GALNTL6: variants seen among roughly 807,000 people sequenced by gnomAD.
GALNTL6 encodes polypeptide N-acetylgalactosaminyltransferase-like 6.
Under a neutral mutation model 73.7 loss-of-function variants are expected in GALNTL6, and 46 were observed. That is an observed-to-expected ratio of 0.62 (90% CI 0.49 to 0.80). The LOEUF is 0.80. GALNTL6 is among the 30% of genes least tolerant of loss of function. GALNTL6 has a pLI of 0.00. For missense variants in GALNTL6, 604 were observed against 755.0 expected (o/e 0.80, Z 2.34); for synonymous variants, 259 against 263.7 (o/e 0.98, Z 0.17).
chr4:172,731,445 T>C (rs7666403), intron 5 of GALNTL6, among the ~76,000 whole-genome samples: 54,453 of 151,940 alleles, frequency 0.36, 10,790 homozygotes, highest in African/African-American at 0.52. Context: ...TTCTCTCTTT[T>C]ATTCTTAGTC....
intron 5 of GALNTL6, among the ~76,000 whole-genome samples, chr4:172,673,014 A>G (rs1157936660): frequency 6.6e-6 from 1 of 151,982 alleles, no homozygotes; most frequent in African/African-American, 2.4e-5. Flanking sequence ...TTTGTGCCCC[A>G]ATTTCCTTCA....
chr4:172,083,901 G>T (rs77075878), intron 2 of GALNTL6, among the ~76,000 whole-genome samples: 7,235 of 152,186 alleles, frequency 0.048, 565 homozygotes, highest in African/African-American at 0.16. Context: ...CAAAGCTGTG[G>T]GAATAGATAT....
chr4:172,334,948 A>G (rs1267263178), intron 4 of GALNTL6, among the ~76,000 whole-genome samples: 1 of 150,930 alleles, frequency 6.6e-6, no homozygotes, highest in Non-Finnish European at 1.5e-5. Flanking sequence ...ATTTTATCAA[A>G]ACCTTTTTCT....
At chr4:172,799,882 A>G (rs760901703) in intron 5 of GALNTL6, among the ~76,000 whole-genome samples, 1 of 152,220 alleles carries the variant, frequency 6.6e-6, no homozygotes, top group Non-Finnish European at 1.5e-5. Context: ...CCACCAACTG[A>G]TGAATGGATA....
At chr4:172,116,363 G>C (rs575435277) in intron 2 of GALNTL6, among the ~76,000 whole-genome samples, 1 of 152,214 alleles carries the variant, frequency 6.6e-6, no homozygotes, top group East Asian at 1.9e-4. Flanking sequence ...TACAATGTAA[G>C]GAAACTTGGC....
intron 5 of GALNTL6, among the ~76,000 whole-genome samples, chr4:172,362,811 CTCTT>C (rs1742418198): frequency 6.6e-6 from 1 of 152,140 alleles, no homozygotes; most frequent in East Asian, 1.9e-4. Flanking sequence ...CTTATGATTC[CTCTT>C]TCTTCCTCAC....
intron 5 of GALNTL6, among the ~76,000 whole-genome samples, chr4:172,385,890 T>C (rs938469058): frequency 6.6e-6 from 1 of 151,818 alleles, no homozygotes; most frequent in African/African-American, 2.4e-5. Flanking sequence ...GTACTATTTA[T>C]TACATTTATT....
chr4:172,092,536 C>A (rs1285493017), intron 2 of GALNTL6, among the ~76,000 whole-genome samples: 1 of 152,068 alleles, frequency 6.6e-6, no homozygotes. Context: ...TTTGGGAAGA[C>A]TCTCAAAACT....
chr4:172,842,746 T>C (rs1743281178), intron 7 of GALNTL6, among the ~76,000 whole-genome samples: 1 of 151,434 alleles, frequency 6.6e-6, no homozygotes, highest in Non-Finnish European at 1.5e-5. Context: ...GGGTTTCTCA[T>C]ATGTCATTTT....
rs144781871 is a variant in GALNTL6 at position 172,314,769 on chromosome 4, G to T, written c.386+3017G>T. Among the ~76,000 whole-genome samples the T allele has an allele frequency of 2.9e-3, 443 of 151,868 alleles. 4 individuals carry two copies. Among genetic ancestry groups the T allele is most frequent in the African/African-American group, 0.01 (421 of 41,402 alleles). Reference sequence around the variant, plus strand: ...ATTACAGGCACCTGCCACCAAGCCTGGCTAAATTTTTTGTATTTTTAGTAG... The same window carrying T: ...ATTACAGGCACCTGCCACCAAGCCTTGCTAAATTTTTTGTATTTTTAGTAG... On this transcript the variant is annotated intron_variant, in intron 4 of 12. Transcript: ENST00000506823.
chr4:172,548,839 A>G (rs1296905630), intron 5 of GALNTL6, among the ~76,000 whole-genome samples: 1 of 152,186 alleles, frequency 6.6e-6, no homozygotes, highest in Non-Finnish European at 1.5e-5. Context: ...TTGTATGTAT[A>G]TGTTTTTCCA....
intron 11 of GALNTL6, among the ~76,000 whole-genome samples, chr4:173,017,785 A>G (rs1359168067): frequency 6.6e-6 from 1 of 152,242 alleles, no homozygotes; most frequent in African/African-American, 2.4e-5. Flanking sequence ...AACAGAGGTC[A>G]CCTAAGGATG....
At chr4:172,994,179 T>C (rs1342100926) in intron 10 of GALNTL6, among the ~76,000 whole-genome samples, 1 of 152,216 alleles carries the variant, frequency 6.6e-6, no homozygotes, top group Non-Finnish European at 1.5e-5. Context: ...TATAAGATGG[T>C]GCCCTGGGTA....
intron 5 of GALNTL6, among the ~76,000 whole-genome samples, chr4:172,500,196 G>A (rs527388012): frequency 6.6e-6 from 1 of 152,270 alleles, no homozygotes; most frequent in East Asian, 1.9e-4. Flanking sequence ...TGAGACAGGA[G>A]GATCACCTGA....
intron 8 of GALNTL6, among the ~76,000 whole-genome samples, chr4:172,909,524 TC>T (rs1747086400): frequency 6.6e-6 from 1 of 152,004 alleles, no homozygotes; most frequent in Non-Finnish European, 1.5e-5. Flanking sequence ...AAATAACTCA[TC>T]CATTGAAAGT....
intron 2 of GALNTL6, among the ~76,000 whole-genome samples, chr4:171,900,747 A>G (rs910554739): frequency 6.6e-6 from 1 of 152,190 alleles, no homozygotes; most frequent in African/African-American, 2.4e-5. Flanking sequence ...CAAGAAAACA[A>G]TCAATTGAGA....
chr4:172,319,889 T>G (rs1273426021), intron 4 of GALNTL6, among the ~76,000 whole-genome samples: 1 of 152,114 alleles, frequency 6.6e-6, no homozygotes, highest in African/African-American at 2.4e-5. Context: ...TTTATGAAAA[T>G]TTGGTAAGAA....
chr4:171,841,787 C>T (rs1050725433), intron 2 of GALNTL6, among the ~76,000 whole-genome samples: 2 of 151,730 alleles, frequency 1.3e-5, no homozygotes, highest in Non-Finnish European at 2.9e-5. Flanking sequence ...ATTACTAATA[C>T]CAGGTGCTAC....
At chr4:172,272,191 G>A (rs1415464133) in intron 3 of GALNTL6, among the ~76,000 whole-genome samples, 1 of 152,146 alleles carries the variant, frequency 6.6e-6, no homozygotes, top group Non-Finnish European at 1.5e-5. Flanking sequence ...CTGACCTCAG[G>A]TGGTCTGCTC....
Sources: allele counts gnomAD v4.1 joint callset (sites outside exome capture counted in the v4.1 genomes callset), GRCh38; gene constraint gnomAD v4.1.1; transcripts MANE v1.5; gene names NCBI Gene and HGNC (gene_info 2026-07-23, HGNC 2026-07-21).